The following MORN1 variants were observed in gnomAD, a reference collection of about 807,000 sequenced individuals.
MORN1 encodes the protein MORN repeat-containing protein 1.
In MORN1, 67 loss-of-function variants were observed where a neutral mutation model predicts 61.9. The ratio of observed to expected loss-of-function variants is 1.08; its 90% CI spans 0.89 to 1.33. The LOEUF (loss-of-function observed/expected upper bound fraction) is 1.33, where lower values mean the gene tolerates loss of function less well. MORN1 is among the 40% of genes most tolerant of loss of function. The probability of loss-of-function intolerance (pLI) is 0.00; values close to 1 mark genes in which losing one functional copy is unlikely to be tolerated. For synonymous variants in MORN1, 301 were observed against 292.0 expected (o/e 1.03, Z -0.31); for missense variants, 752 against 691.2 (o/e 1.09, Z -0.99).
chr1:2,372,517 C>A lies in MORN1; in HGVS notation c.709G>T (p.Val237Phe). ...VAQGSPFSVN[V>F]QLLQDHGEIA... Reference sequence around the variant, plus strand: ...TCCCCGTGGTCCTGCAGCAGCTGAACGTTCACCGAGAAGGGAGACCCTTGG... The same window carrying A: ...TCCCCGTGGTCCTGCAGCAGCTGAAAGTTCACCGAGAAGGGAGACCCTTGG... Residue 237 changes from valine (V) to phenylalanine (F), a missense_variant, in exon 8 of 14, where the codon GTT (valine) becomes TTT (phenylalanine). Physicochemically the swap from Val to Phe is conservative, Grantham distance 50 (BLOSUM62 -1). Coordinates refer to ENST00000378531, the MANE Select transcript of MORN1 (RefSeq NM_024848.3). The surrounding 1 kb of genome is among the most constrained non-coding windows in gnomAD (Gnocchi z 5.4). 1 of 1,613,978 alleles carries A rather than the reference C, an allele frequency of 6.2e-7. No individual in the cohort carries two copies. The highest frequency in any genetic ancestry group is 8.5e-7 in the Non-Finnish European group (1 of 1,179,962).
chr1:2,334,207 T>C lies in MORN1; in HGVS notation c.1250+2262A>G, dbSNP rs1175359006. On this transcript the variant is annotated intron_variant, in intron 12 of 13. Transcript: ENST00000378531. The surrounding 1 kb of genome is among the most constrained non-coding windows in gnomAD (Gnocchi z 5.4). ...AGAGGTCGTGAGGTCGACGCCCCGG[T>C]CAGCCACAGTTGAGGGCCTCTGGGT... 6.6e-6 allele frequency among the ~76,000 whole-genome samples: 1 copy of C among 151,190 alleles called. No individual in the cohort carries two copies. Among genetic ancestry groups the C allele is most frequent in the Non-Finnish European group, 1.5e-5 (1 of 67,752 alleles).
At chr1:2,333,588 C>T (rs771532707) in intron 12 of MORN1, among the ~76,000 whole-genome samples, 9 of 152,220 alleles carry the variant, frequency 5.9e-5, no homozygotes, top group East Asian at 1.9e-4. Context: ...AGGGTGCTAG[C>T]GGCAGGATCC....
intron 13 of MORN1, chr1:2,322,476 G>T (rs1356927764): frequency 2.0e-6 from 2 of 985,242 alleles, no homozygotes; most frequent in Admixed American, 6.1e-5. Flanking sequence ...GGGCTCGGCC[G>T]CCTGTGCGTT....
chr1:2,347,743 T>C (rs972871545), intron 10 of MORN1, among the ~76,000 whole-genome samples: 67 of 152,228 alleles, frequency 4.4e-4, no homozygotes, highest in African/African-American at 1.5e-3. Context: ...TGCTGCAGCC[T>C]TGAGGCTCCT....
chr1:2,335,362 C>T (rs1181089881), intron 12 of MORN1, among the ~76,000 whole-genome samples: 3 of 152,222 alleles, frequency 2.0e-5, no homozygotes, highest in Non-Finnish European at 4.4e-5. Context: ...CTCACACTCA[C>T]ACTCACGTCC....
chr1:2,323,492 C>T, intron 13 of MORN1: 1 of 985,422 alleles, frequency 1.0e-6, no homozygotes, highest in Non-Finnish European at 1.2e-6. Flanking sequence ...TGCTAGGGGT[C>T]CGAGCCTTTG....
rs139555587 is a variant in MORN1 at position 2,349,155 on chromosome 1, G to A, written c.1036+8277C>T. On this transcript the variant is annotated intron_variant, in intron 10 of 13. Coordinates refer to ENST00000378531, the MANE Select transcript of MORN1 (RefSeq NM_024848.3). ...CTGGCCACCCCACTTGGCAGGACTT[G>A]ATGGCTTTGGGACTGAATTGTTCCA... 2.3e-3 allele frequency among the ~76,000 whole-genome samples: 345 copies of A among 152,360 alleles called. 3 individuals carry two copies. The highest frequency in any genetic ancestry group is 7.8e-3 in the African/African-American group (326 of 41,582).
rs144594161 is a variant in MORN1, at chr1:2,387,425, G to T, written c.352C>A (p.Arg118=). The change falls in exon 4 of 14, where the codon CGG becomes AGG. Residue 118 remains arginine, a synonymous_variant. Transcript: ENST00000378531. ...CYEGEVSHGM[R]EGHGFLVDRD... is the part of the protein sequence containing the mutation. ...GCTCCTGTGGGCGCCAGACCTTCCC[G>T]CATGCCGTGGGAGACCTCCCCTTCA... 8.4e-4 allele frequency: 1,349 copies of T among 1,611,818 alleles called. 1 individual carries two copies. Among genetic ancestry groups the T allele is most frequent in the Non-Finnish European group, 9.5e-4 (1,122 of 1,178,892 alleles).
At chr1:2,323,041 C>T (rs1020281620) in intron 13 of MORN1, 17 of 985,452 alleles carry the variant, frequency 1.7e-5, no homozygotes, top group South Asian at 9.4e-5. Flanking sequence ...CTGTCTCCGC[C>T]GAGCACATAA....
At chr1:2,341,851 C>T (rs1372877034) in intron 10 of MORN1, among the ~76,000 whole-genome samples, 3 of 152,240 alleles carry the variant, frequency 2.0e-5, no homozygotes, top group Admixed American at 1.3e-4. Flanking sequence ...GAGTGGTGCC[C>T]GCCAGCCCGA....
Position 2,334,382 on chromosome 1 carries a change from G to C in MORN1, c.1250+2087C>G, listed in dbSNP as rs543178028. 1.3e-5 allele frequency among the ~76,000 whole-genome samples: 2 copies of C among 152,326 alleles called. No homozygotes were observed. Among genetic ancestry groups the C allele is most frequent in the South Asian group, 2.1e-4 (1 of 4,826 alleles). On this transcript the variant is annotated intron_variant, in intron 12 of 13. Coordinates refer to ENST00000378531, the MANE Select transcript of MORN1 (RefSeq NM_024848.3). This position sits in a 1 kb window ranked among gnomAD's most constrained non-coding sequence, Gnocchi z 5.4. ...CCCATGATCCATGGCGGAGAGGCCT[G>C]CAAGTGTGCAGCCCTTCACCTCCAT...
chr1:2,335,828 TAGCCCAGCCC>T (rs58763089), intron 12 of MORN1, among the ~76,000 whole-genome samples: 12 of 143,014 alleles, frequency 8.4e-5, no homozygotes, highest in African/African-American at 3.4e-4. Flanking sequence ...CTCGCCTCCA[TAGCCCAGCCC>T]AGCCCAGCGC....
rs751279182 is a variant in MORN1 at position 2,388,327 on chromosome 1, C to T, written c.159G>A (p.Lys53=). 1 of 1,613,938 alleles carries T rather than the reference C, an allele frequency of 6.2e-7. No individual in the cohort carries two copies. The highest frequency in any genetic ancestry group is 1.7e-5 in the Admixed American group (1 of 60,018). ...WKAGRKHGHG[K]LLFKDGSYYE... ...AATAACTGCCATCTTTAAATAACAACTTCCCGTGACCTGGCAGGAGAAATC... is the reference window on the plus strand; with the variant it reads ...AATAACTGCCATCTTTAAATAACAATTTCCCGTGACCTGGCAGGAGAAATC... The change falls in exon 3 of 14, where the codon AAG becomes AAA. Residue 53 remains lysine, a synonymous_variant. Transcript: ENST00000378531.
intron 10 of MORN1, among the ~76,000 whole-genome samples, chr1:2,348,699 ACGC>A (rs1641574181): frequency 1.0e-5 from 1 of 97,666 alleles, no homozygotes; most frequent in African/African-American, 4.4e-5. Context: ...ACACACACGC[ACGC>A]ACACGCACAC....
chr1:2,335,604 G>T (rs1008728200), intron 12 of MORN1, among the ~76,000 whole-genome samples: 1 of 152,142 alleles, frequency 6.6e-6, no homozygotes, highest in Non-Finnish European at 1.5e-5. Context: ...TTCCTGCAGG[G>T]TCTGTGCACC....
intron 10 of MORN1, among the ~76,000 whole-genome samples, chr1:2,347,412 TA>T (rs1339316635): frequency 6.6e-6 from 1 of 152,024 alleles, no homozygotes; most frequent in Non-Finnish European, 1.5e-5. Context: ...CGAAGCAGGG[TA>T]TGGGGCACTC....
intron 6 of MORN1, among the ~76,000 whole-genome samples, chr1:2,382,487 G>C (rs1399423571): frequency 6.6e-6 from 1 of 152,200 alleles, no homozygotes; most frequent in Non-Finnish European, 1.5e-5. Flanking sequence ...CACCAGCGCC[G>C]GCCCCAGCTT....
intron 7 of MORN1, among the ~76,000 whole-genome samples, chr1:2,374,002 C>A (rs1278891343): frequency 2.0e-5 from 3 of 152,224 alleles, no homozygotes; most frequent in Non-Finnish European, 1.5e-5. Flanking sequence ...CCTGGCTAGA[C>A]TGACCCCTGG....
At chr1:2,386,370 T>C (rs1328438773) in intron 4 of MORN1, 1 of 157,922 alleles carries the variant, frequency 6.3e-6, no homozygotes, top group Non-Finnish European at 1.4e-5. Flanking sequence ...AACTGCGGCA[T>C]TTTCAGATTT....
Sources: allele counts gnomAD v4.1 joint callset (sites outside exome capture counted in the v4.1 genomes callset), GRCh38; gene constraint gnomAD v4.1.1; non-coding constraint Gnocchi (gnomAD v3.1); transcripts MANE v1.5; gene names NCBI Gene and HGNC (gene_info 2026-07-23, HGNC 2026-07-21).